Variants in AP3S2 observed in about 807,000 individuals in gnomAD.
AP3S2 encodes the protein AP-3 complex subunit sigma-2.
In AP3S2, 22 loss-of-function variants were observed where a neutral mutation model predicts 23.4. The observed-to-expected ratio is 0.94, with a 90% CI of 0.67 to 1.34. AP3S2 has a LOEUF of 1.34. AP3S2 is among the 40% of genes most tolerant of loss of function. The probability of loss-of-function intolerance (pLI) is 0.00; values close to 1 mark genes in which losing one functional copy is unlikely to be tolerated. For synonymous variants in AP3S2, 86 were observed against 87.1 expected (o/e 0.99, Z 0.07); for missense variants, 241 against 236.9 (o/e 1.02, Z -0.11).
intron 3 of AP3S2, chr15:89,878,300 C>A (rs1196299630): frequency 3.0e-6 from 2 of 661,046 alleles, no homozygotes; most frequent in Non-Finnish European, 5.4e-6. Context: ...TCCAGATGTA[C>A]CTACATAAAG....
rs1366285697 is a variant in AP3S2 at position 89,833,755 on chromosome 15, C to T, written c.*1760G>A. The stretch of plus-strand genomic sequence containing the variant: ...ACCTTCTGACCCACACTGCCCATCT[C>T]TGTGCTTATCATGGAGCTTTCAAGA... On this transcript the variant is annotated 3_prime_UTR_variant, in exon 6 of 6. Transcript: ENST00000336418. 6.6e-6 allele frequency: 1 copy of T among 152,276 alleles called. No individual in the cohort carries two copies. The highest frequency in any genetic ancestry group is 1.5e-5 in the Non-Finnish European group (1 of 68,064). 9.4% of individuals were successfully genotyped at this position (152,276 alleles called of 1,614,324 possible). A position where few individuals can be genotyped will look rare whatever the true frequency, so the allele number is the denominator to read the frequency against.
Position 89,893,978 on chromosome 15 carries a change from G to T in AP3S2, c.-29C>A, listed in dbSNP as rs746235794. On this transcript the variant is annotated 5_prime_UTR_variant, in exon 1 of 6. Coordinates refer to ENST00000336418, the MANE Select transcript of AP3S2 (RefSeq NM_005829.5). ...TGCCAGCCACGGTTCTCTCAGCACCGGCTACTCCCAGAAAGCTCCTCCTTC... is the reference window on the plus strand; with the variant it reads ...TGCCAGCCACGGTTCTCTCAGCACCTGCTACTCCCAGAAAGCTCCTCCTTC... The T allele has an allele frequency of 1.9e-6, 3 of 1,548,930 alleles. No homozygotes were observed. The highest frequency in any genetic ancestry group is 2.7e-5 in the African/African-American group (2 of 72,996).
chr15:89,859,686 C>T (rs1435784068), intron 4 of AP3S2, among the ~76,000 whole-genome samples: 4 of 151,386 alleles, frequency 2.6e-5, no homozygotes, highest in African/African-American at 4.9e-5. Flanking sequence ...CGAGCCACCG[C>T]GCCCAGCCCT....
intron 4 of AP3S2, chr15:89,852,793 ACAGCCCTGTGCCCCAGTC>A (rs1172878109): frequency 6.6e-6 from 1 of 152,334 alleles, no homozygotes; most frequent in African/African-American, 2.4e-5. Context: ...TGCCCATGGA[ACAGCCCTGTGCCCCAGTC>A]CACCTGCTCG....
intron 4 of AP3S2, among the ~76,000 whole-genome samples, chr15:89,870,760 T>C (rs1212989275): frequency 1.3e-5 from 2 of 152,118 alleles, no homozygotes; most frequent in Non-Finnish European, 2.9e-5. Flanking sequence ...CAACAATCAG[T>C]TGAAGAAAAA....
At chr15:89,886,219 T>C (rs1896698079) in intron 3 of AP3S2, among the ~76,000 whole-genome samples, 1 of 152,040 alleles carries the variant, frequency 6.6e-6, no homozygotes, top group Non-Finnish European at 1.5e-5. Flanking sequence ...CATGTGCCTG[T>C]AATCCCAGCT....
At position 89,835,451 on chromosome 15, in the gene AP3S2, G is replaced by A. The variant is rs758558489; in HGVS notation, c.*64C>T. ...AGGCTCAAAATGGGTTCTGTTTCCA[G>A]ACGTGCTTGCCTTGCTTGTCTTTGC... is the stretch of plus-strand genomic sequence containing the variant. On this transcript the variant is annotated 3_prime_UTR_variant, in exon 6 of 6. Transcript: ENST00000336418. The A allele has an allele frequency of 6.2e-7, 1 of 1,600,558 alleles. No homozygotes were observed. Among genetic ancestry groups the A allele is most frequent in the Non-Finnish European group, 8.5e-7 (1 of 1,172,986 alleles).
chr15:89,869,803 G>C (rs1896276599), intron 4 of AP3S2, among the ~76,000 whole-genome samples: 1 of 151,822 alleles, frequency 6.6e-6, no homozygotes. Flanking sequence ...GCCCAGGCTG[G>C]AGAGCAGTGG....
intron 3 of AP3S2, among the ~76,000 whole-genome samples, chr15:89,885,934 CAAAAAA>C (rs34323747): frequency 3.8e-5 from 4 of 104,924 alleles, no homozygotes; most frequent in African/African-American, 7.9e-5. Flanking sequence ...GACCTTGTCT[CAAAAAA>C]AAAAAAAAAA....
At chr15:89,851,531 G>A (rs1393605990) in intron 4 of AP3S2, among the ~76,000 whole-genome samples, 3 of 152,028 alleles carry the variant, frequency 2.0e-5, no homozygotes, top group African/African-American at 7.2e-5. Flanking sequence ...TAGAGATAGG[G>A]TTTCACTATG....
rs760935591 is a variant in AP3S2, at chr15:89,837,657, G to A, written c.411C>T (p.Ile137=). The change falls in exon 5 of 6, where the codon ATC becomes ATT. Residue 137 remains isoleucine (I), a synonymous_variant. Transcript: ENST00000336418. ...TGTTTTGAGCCTCAATCTGAGCCACGATTTCATTCATGTTTGTTTCCAACA... is the reference window on the plus strand; with the variant it reads ...TGTTTTGAGCCTCAATCTGAGCCACAATTTCATTCATGTTTGTTTCCAACA... The part of the protein sequence containing the change: ...GMVLETNMNE[I]VAQIEAQNRL... 2.0e-5 allele frequency: 32 copies of A among 1,613,992 alleles called. No homozygotes were observed. The highest frequency in any genetic ancestry group is 1.6e-4 in the Middle Eastern group (1 of 6,084).
intron 4 of AP3S2, among the ~76,000 whole-genome samples, chr15:89,860,771 AAAG>A (rs1165244777): frequency 6.6e-6 from 1 of 152,212 alleles, no homozygotes; most frequent in East Asian, 1.9e-4. Flanking sequence ...AAGCATCAGT[AAAG>A]AAGGGCTTTA....
chr15:89,891,678 G>T (rs1596226340), intron 1 of AP3S2, among the ~76,000 whole-genome samples: 1 of 151,576 alleles, frequency 6.6e-6, no homozygotes, highest in East Asian at 1.9e-4. Context: ...AAGCCACAGT[G>T]AGATACCACT....
intron 4 of AP3S2, among the ~76,000 whole-genome samples, chr15:89,841,644 G>A (rs577646335): frequency 9.2e-5 from 14 of 152,296 alleles, no homozygotes; most frequent in Non-Finnish European, 1.9e-4. Flanking sequence ...GAGATGCTAA[G>A]AGACGCCTTG....
chr15:89,887,915 C>T (rs554423682), intron 3 of AP3S2, among the ~76,000 whole-genome samples: 2 of 152,348 alleles, frequency 1.3e-5, no homozygotes, highest in East Asian at 3.9e-4. Flanking sequence ...AAGTGATCCG[C>T]CCGCCTTGGC....
At chr15:89,867,542 GC>G (rs1896165348) in intron 4 of AP3S2, among the ~76,000 whole-genome samples, 1 of 139,422 alleles carries the variant, frequency 7.2e-6, no homozygotes, top group Admixed American at 7.1e-5. Flanking sequence ...TCTGCGCCCG[GC>G]CGCCATCCCA....
At chr15:89,880,659 G>A (rs1896549851) in intron 3 of AP3S2, among the ~76,000 whole-genome samples, 2 of 136,244 alleles carry the variant, frequency 1.5e-5, no homozygotes, top group African/African-American at 2.8e-5. Flanking sequence ...GGGCAACAGA[G>A]CAAGACTCCG....
Position 89,888,514 on chromosome 15 carries a change from C to A in AP3S2, c.273+7G>T, listed in dbSNP as rs1896749014. On this transcript the variant is annotated splice_region_variant and intron_variant, in intron 3 of 5. Transcript: ENST00000336418. ...AGCTGCTGCCATCATTAGCTGACTA[C>A]ACATACCTGGATGAGGTCCAAGATT... The A allele has an allele frequency of 2.5e-6, 4 of 1,613,698 alleles. No homozygotes were observed. In the African/African-American group the frequency reaches 5.3e-5, roughly 22 times the overall value.
chr15:89,891,288 G>C (rs2141905997), intron 1 of AP3S2, among the ~76,000 whole-genome samples: 1 of 152,230 alleles, frequency 6.6e-6, no homozygotes, highest in Middle Eastern at 3.4e-3. Flanking sequence ...AAAATCCTAT[G>C]ATCCAAAGAT....
Sources: allele counts gnomAD v4.1 joint callset (sites outside exome capture counted in the v4.1 genomes callset), GRCh38; gene constraint gnomAD v4.1.1; transcripts MANE v1.5; gene names NCBI Gene and HGNC (gene_info 2026-07-23, HGNC 2026-07-21).